DDX19B: variants seen among roughly 807,000 people sequenced by gnomAD.
DDX19B encodes ATP-dependent RNA helicase DDX19B.
In DDX19B, 27 loss-of-function variants were observed where a neutral mutation model predicts 58.1. The ratio of observed to expected loss-of-function variants is 0.46; its 90% confidence interval spans 0.34 to 0.64. The LOEUF (loss-of-function observed/expected upper bound fraction) is 0.64. Among genes scored for constraint, DDX19B ranks in the 30% least tolerant of loss-of-function variants. The pLI, the probability that DDX19B is intolerant of heterozygous loss-of-function variation, is 0.01. For synonymous variants in DDX19B, 187 were observed against 214.4 expected, an observed-to-expected ratio of 0.87 and a Z score of 1.12; for missense variants, 399 against 596.5, an observed-to-expected ratio of 0.67 and a Z score of 3.45.
chr16:70,303,908 C>T (rs1050166299), intron 1 of DDX19B, among the ~76,000 whole-genome samples: 2 of 152,012 alleles, frequency 1.3e-5, no homozygotes, highest in South Asian at 2.1e-4. Context: ...CCAAGATATA[C>T]ACCTTATCCA....
At chr16:70,299,099 G>A (rs1000238431), upstream of DDX19B, 1 of 1,318,752 alleles carries the variant, frequency 7.6e-7, no homozygotes, top group Non-Finnish European at 9.7e-7. Context: ...CGGGTCTGAG[G>A]GCAACAGAAT....
chr16:70,311,052 T>C (rs2152193645), intron 1 of DDX19B, among the ~76,000 whole-genome samples: 1 of 150,070 alleles, frequency 6.7e-6, no homozygotes, highest in East Asian at 2.0e-4. Context: ...AAAGGCTTTT[T>C]TGTTTTGTTT....
intron 8 of DDX19B, 24 bp downstream of exon 8, chr16:70,329,493 C>T (rs757355227): frequency 2.5e-6 from 4 of 1,612,220 alleles, no homozygotes; most frequent in African/African-American, 1.3e-5. Flanking sequence ...GGGTGGGGGA[C>T]TCCTCAGATT....
chr16:70,302,191 A>G (rs868054357), intron 1 of DDX19B, among the ~76,000 whole-genome samples: 54 of 152,048 alleles, frequency 3.6e-4, no homozygotes, highest in African/African-American at 1.1e-3. Context: ...AAAGTCCTAG[A>G]ATTACAGGCG....
chr16:70,321,479 C>T (rs758408068), intron 5 of DDX19B, among the ~76,000 whole-genome samples: 5 of 152,198 alleles, frequency 3.3e-5, no homozygotes, highest in Non-Finnish European at 7.3e-5. Flanking sequence ...CTAGAATTAT[C>T]TACTACCTTT....
upstream of DDX19B, among the ~76,000 whole-genome samples, chr16:70,297,133 C>A (rs1337982144): frequency 6.6e-6 from 1 of 152,144 alleles, no homozygotes; most frequent in Non-Finnish European, 1.5e-5. Context: ...TCAGGATGGT[C>A]TCAATCTCCT....
chr16:70,294,932 G>A (rs1246995319), upstream of DDX19B: 27 of 1,514,798 alleles, frequency 1.8e-5, no homozygotes, highest in Non-Finnish European at 2.4e-5. Context: ...GTATCTGCGA[G>A]GGTAGAAGCC....
At chr16:70,325,530 G>A in intron 6 of DDX19B, 44 bp from the exon 7 acceptor site, 1 of 1,366,396 alleles carries the variant, frequency 7.3e-7, no homozygotes, top group Non-Finnish European at 1.0e-6. Flanking sequence ...CTTTGCAAAA[G>A]AGCTATTGTC....
intron 7 of DDX19B, among the ~76,000 whole-genome samples, chr16:70,326,081 GT>G (rs768995329): frequency 9.9e-5 from 15 of 152,184 alleles, no homozygotes; most frequent in Non-Finnish European, 1.8e-4. Flanking sequence ...GCGTTTGGTT[GT>G]TGTACTTGTT....
intron 5 of DDX19B, 125 bp downstream of exon 5, chr16:70,317,713 G>A (rs1962510104): frequency 1.4e-6 from 1 of 734,362 alleles, no homozygotes; most frequent in Admixed American, 2.9e-5. Flanking sequence ...CAAGGCAGGA[G>A]GATCGTTTCA....
At chr16:70,325,497 G>T in intron 6 of DDX19B, 77 bp from the exon 7 acceptor site, 1 of 928,698 alleles carries the variant, frequency 1.1e-6, no homozygotes, top group African/African-American at 1.6e-5. Context: ...TGGAGGAGTG[G>T]CTAAGTACTA....
Position 70,315,767 on chromosome 16 carries a change from AAT to A in DDX19B, c.161-199_161-198del, listed in dbSNP as rs1009851866. On this transcript the variant is annotated intron_variant, in intron 3 of 11. Transcript: ENST00000288071. Reference sequence around the variant, plus strand: ...GCTGTTAGAATAGAGTCTGGAAAAGAATATGAGGCCTAAATGGGTGATGTATC... The same window carrying A: ...GCTGTTAGAATAGAGTCTGGAAAAGAATGAGGCCTAAATGGGTGATGTATC... 8.0e-6 allele frequency: 5 copies of A among 628,452 alleles called. No individual in the cohort carries two copies. The African/African-American group carries it at 9.1e-5, about 11-fold the overall frequency. 38.9% of individuals were successfully genotyped at this position (628,452 alleles called of 1,614,324 possible). A position where few individuals can be genotyped will look rare whatever the true frequency, so the allele number is the denominator to read the frequency against.
intron 1 of DDX19B, among the ~76,000 whole-genome samples, chr16:70,299,683 G>C (rs1358665342): frequency 6.6e-6 from 1 of 152,168 alleles, no homozygotes; most frequent in Admixed American, 6.6e-5. Context: ...GCCCAGGCTA[G>C]TCTGGAACTC....
At chr16:70,323,582 C>A (rs1413551112) in intron 5 of DDX19B, among the ~76,000 whole-genome samples, 1 of 151,850 alleles carries the variant, frequency 6.6e-6, no homozygotes, top group Admixed American at 6.6e-5. Context: ...CACCACCATG[C>A]CTGGCTAATT....
chr16:70,324,895 T>C (rs1963060555), intron 6 of DDX19B, among the ~76,000 whole-genome samples: 1 of 151,876 alleles, frequency 6.6e-6, no homozygotes, highest in Admixed American at 6.6e-5. Flanking sequence ...CTACTAAAAA[T>C]AAAAAATTAG....
upstream of DDX19B, chr16:70,295,126 A>T: frequency 8.4e-7 from 1 of 1,192,866 alleles, no homozygotes; most frequent in African/African-American, 1.6e-5. Context: ...GTGGGAATAA[A>T]TGCAGGAGGC....
chr16:70,327,484 G>A (rs1214103790), intron 7 of DDX19B, among the ~76,000 whole-genome samples: 1 of 151,974 alleles, frequency 6.6e-6, no homozygotes, highest in Non-Finnish European at 1.5e-5. Context: ...AGTGAGCCAA[G>A]ATCGTGCCAC....
chr16:70,316,857 G>C (rs941666430), intron 4 of DDX19B, among the ~76,000 whole-genome samples: 1 of 152,030 alleles, frequency 6.6e-6, no homozygotes, highest in Non-Finnish European at 1.5e-5. Context: ...GACCACTTGA[G>C]GTCAGGAGTT....
rs1198306548 is a variant in DDX19B, at chr16:70,315,060, G to A, written c.160+105G>A. 1.2e-5 allele frequency: 15 copies of A among 1,211,696 alleles called. No homozygotes were observed. In the Admixed American group the frequency reaches 1.7e-4, roughly 14 times the overall value. 75.1% of individuals were successfully genotyped at this position (1,211,696 alleles called of 1,614,324 possible). The stretch of plus-strand genomic sequence containing the variant: ...TACCCAGTTTGGCTTGACTTTAATA[G>A]GCGATACAGTGCTAGCATAAAGGTT... On this transcript the variant is annotated intron_variant, in intron 3 of 11. Coordinates refer to ENST00000288071, the MANE Select transcript of DDX19B (RefSeq NM_007242.7).
Sources: allele counts gnomAD v4.1 joint callset (sites outside exome capture counted in the v4.1 genomes callset), GRCh38; gene constraint gnomAD v4.1.1; transcripts MANE v1.5; gene names NCBI Gene and HGNC (gene_info 2026-07-23, HGNC 2026-07-21).